Variants in PRKG1 observed in about 807,000 individuals in gnomAD.
PRKG1 encodes the protein cGMP-dependent protein kinase 1.
A neutral mutation model predicts 88.1 loss-of-function variants in PRKG1; 35 were observed. That is an observed-to-expected ratio of 0.40 (90% confidence interval 0.30 to 0.53). The LOEUF is 0.53. Ranked by LOEUF, PRKG1 falls within the 20% of genes least tolerant of loss-of-function variation. The pLI is 0.59. For synonymous variants in PRKG1, 303 were observed against 292.5 expected (o/e 1.04, Z -0.37); for missense variants, 540 against 839.8 (o/e 0.64, Z 4.41).
intron 1 of PRKG1, among the ~76,000 whole-genome samples, chr10:51,115,987 A>G (rs1047215507): frequency 6.6e-6 from 1 of 152,164 alleles, no homozygotes; most frequent in African/African-American, 2.4e-5. Flanking sequence ...GAGTACATGT[A>G]TAGGCTGGGC....
chr10:51,694,264 G>A (rs529880862), intron 3 of PRKG1, among the ~76,000 whole-genome samples: 16 of 152,286 alleles, frequency 1.1e-4, no homozygotes, highest in African/African-American at 3.8e-4. Context: ...AGAAAGGCCT[G>A]ACACACCATA....
chr10:51,334,182 CTCTCT>C (rs1564450680), intron 2 of PRKG1, among the ~76,000 whole-genome samples: 13 of 150,610 alleles, frequency 8.6e-5, no homozygotes, highest in South Asian at 2.1e-4. Flanking sequence ...CTCTCTCTCT[CTCTCT>C]CTCTCACTCA....
intron 4 of PRKG1, among the ~76,000 whole-genome samples, chr10:51,807,374 A>G (rs527503878): frequency 1.3e-5 from 2 of 152,312 alleles, no homozygotes; most frequent in East Asian, 3.9e-4. Context: ...AGGGGTGGAA[A>G]GGGTACCATC....
chr10:51,621,235 A>G (rs1324139587), intron 3 of PRKG1, among the ~76,000 whole-genome samples: 2 of 151,824 alleles, frequency 1.3e-5, no homozygotes, highest in Non-Finnish European at 2.9e-5. Flanking sequence ...AAGGGGAATC[A>G]CTTTTTCTTT....
chr10:51,750,699 G>A (rs150953662), intron 3 of PRKG1, among the ~76,000 whole-genome samples: 8 of 152,246 alleles, frequency 5.3e-5, no homozygotes, highest in African/African-American at 1.9e-4. Context: ...GCACTGAATG[G>A]CACTTCTAAG....
intron 2 of PRKG1, among the ~76,000 whole-genome samples, chr10:51,312,370 A>G (rs915237031): frequency 6.6e-6 from 1 of 152,216 alleles, no homozygotes; most frequent in Non-Finnish European, 1.5e-5. Flanking sequence ...TGTAGGAGTT[A>G]ATAGTTGTGG....
At chr10:51,362,677 G>A (rs1184831148) in intron 2 of PRKG1, among the ~76,000 whole-genome samples, 4 of 151,542 alleles carry the variant, frequency 2.6e-5, no homozygotes, top group Non-Finnish European at 4.4e-5. Flanking sequence ...TGTACAGAAC[G>A]TGCAGGTTTT....
intron 2 of PRKG1, among the ~76,000 whole-genome samples, chr10:51,330,141 ATTTATTTTTTATTTATTTT>A (rs1564449020): frequency 1.8e-5 from 2 of 112,048 alleles, no homozygotes; most frequent in Admixed American, 8.9e-5. Flanking sequence ...TTATTTATTT[ATTTATTTTTTATTTATTTT>A]TTTTTTTTGA....
intron 3 of PRKG1, among the ~76,000 whole-genome samples, chr10:51,532,309 G>T (rs1299792659): frequency 6.6e-6 from 1 of 152,142 alleles, no homozygotes; most frequent in African/African-American, 2.4e-5. Flanking sequence ...TACTTGTTAT[G>T]AATCTGCAGC....
chr10:51,931,497 G>A (rs1392445513), intron 5 of PRKG1, among the ~76,000 whole-genome samples: 1 of 152,124 alleles, frequency 6.6e-6, no homozygotes, highest in Admixed American at 6.6e-5. Context: ...AGATGGGAAG[G>A]ACCCTGGAGG....
intron 3 of PRKG1, among the ~76,000 whole-genome samples, chr10:51,589,786 A>T (rs1486971684): frequency 1.3e-5 from 2 of 152,220 alleles, no homozygotes; most frequent in African/African-American, 4.8e-5. Context: ...AATCAAAACG[A>T]AGTTTAAGTG....
At chr10:51,165,262 G>T (rs1207430273) in intron 2 of PRKG1, among the ~76,000 whole-genome samples, 12 of 152,142 alleles carry the variant, frequency 7.9e-5, no homozygotes, top group African/African-American at 2.6e-4. Flanking sequence ...TTAAAGAAAA[G>T]AATTTTCAAC....
intron 4 of PRKG1, among the ~76,000 whole-genome samples, chr10:51,881,024 A>G (rs145568751): frequency 0.021 from 3,154 of 151,248 alleles, 98 homozygotes; most frequent in Non-Finnish European, 0.027. Flanking sequence ...TACTTAGAGA[A>G]AAGGGGGGCA....
At chr10:51,410,258 G>GTATATA (rs1554805783) in intron 2 of PRKG1, among the ~76,000 whole-genome samples, 15 of 145,454 alleles carry the variant, frequency 1.0e-4, no homozygotes, top group African/African-American at 3.4e-4. Flanking sequence ...GTGTGTGTGT[G>GTATATA]TATATATATA....
chr10:52,238,891 A>G (rs1840766598), intron 9 of PRKG1, among the ~76,000 whole-genome samples: 1 of 147,178 alleles, frequency 6.8e-6, no homozygotes, highest in Admixed American at 6.9e-5. Flanking sequence ...TTGCGGCACT[A>G]TTCACAATAG....
chr10:51,941,708 G>GT (rs759320742), intron 5 of PRKG1, among the ~76,000 whole-genome samples: 7 of 150,640 alleles, frequency 4.6e-5, no homozygotes, highest in African/African-American at 1.2e-4. Context: ...GTGGTGTTTG[G>GT]TTTTTTGTCC....
chr10:52,038,844 C>G (rs1302324029), intron 5 of PRKG1, among the ~76,000 whole-genome samples: 2 of 152,034 alleles, frequency 1.3e-5, no homozygotes, highest in African/African-American at 2.4e-5. Context: ...TCTCCTTTGT[C>G]TCTCCCAGAA....
chr10:51,675,824 T>G (rs1180449988), intron 3 of PRKG1, among the ~76,000 whole-genome samples: 1 of 152,192 alleles, frequency 6.6e-6, no homozygotes, highest in Non-Finnish European at 1.5e-5. Context: ...GAGAAATTCA[T>G]CTCCTTCTGA....
chr10:51,649,704 C>T (rs1839993777), intron 3 of PRKG1, among the ~76,000 whole-genome samples: 1 of 152,150 alleles, frequency 6.6e-6, no homozygotes, highest in Non-Finnish European at 1.5e-5. Context: ...AAAACGAAAA[C>T]ACACTCTATA....
Sources: allele counts gnomAD v4.1 joint callset (sites outside exome capture counted in the v4.1 genomes callset), GRCh38; gene constraint gnomAD v4.1.1; transcripts MANE v1.5; gene names NCBI Gene and HGNC (gene_info 2026-07-23, HGNC 2026-07-21).